The following OLFM3 variants were observed in gnomAD, a reference collection of about 807,000 sequenced individuals.
OLFM3 encodes the protein noelin-3.
In OLFM3, 20 loss-of-function variants were observed where a neutral mutation model predicts 48.6. The observed-to-expected ratio is 0.41, with a 90% CI of 0.29 to 0.60. OLFM3 has a LOEUF of 0.60. Ranked by LOEUF, OLFM3 falls within the 20% of genes least tolerant of loss-of-function variation. The probability of loss-of-function intolerance (pLI) is 0.28; values close to 1 mark genes in which losing one functional copy is unlikely to be tolerated. For missense variants in OLFM3, 437 were observed against 544.3 expected (o/e 0.80, Z 1.96); for synonymous variants, 222 against 198.1 (o/e 1.12, Z -1.01).
intron 1 of OLFM3, among the ~76,000 whole-genome samples, chr1:101,850,711 AG>A (rs1328476851): frequency 6.6e-6 from 1 of 152,176 alleles, no homozygotes; most frequent in Non-Finnish European, 1.5e-5. Flanking sequence ...GTGACCTAAA[AG>A]TTTGACTTTA....
chr1:101,852,097 T>G (rs1274553443), intron 1 of OLFM3, among the ~76,000 whole-genome samples: 1 of 152,048 alleles, frequency 6.6e-6, no homozygotes, highest in Non-Finnish European at 1.5e-5. Context: ...CTTTAGCAGA[T>G]CATTCCCAGC....
intron 1 of OLFM3, among the ~76,000 whole-genome samples, chr1:101,861,000 G>A (rs1321767379): frequency 1.3e-5 from 2 of 152,044 alleles, no homozygotes; most frequent in Non-Finnish European, 2.9e-5. Context: ...CTAACTACAT[G>A]CAGAAGAGTT....
rs772070070 is a variant in OLFM3, at chr1:101,804,853, G to A, written c.762C>T (p.Asp254=). 1 of 1,612,296 alleles carries A rather than the reference G, an allele frequency of 6.2e-7. No individual in the cohort carries two copies. The highest frequency in any genetic ancestry group is 2.2e-5 in the East Asian group (1 of 44,822). ...TCCTTGATTCAGCCCCACTGACAAA[G>A]TCTGCAATTGATTTGTATTCACGAA... ...KIVREYKSIA[D]FVSGAESRTY... The change falls in exon 6 of 6, where the codon GAC becomes GAT. Residue 254 remains aspartate, a synonymous_variant. Transcript: ENST00000370103. This position sits in a 1 kb window ranked among gnomAD's most constrained non-coding sequence, Gnocchi z 4.5.
chr1:101,841,380 A>G (rs1434279427), intron 1 of OLFM3, among the ~76,000 whole-genome samples: 1 of 152,234 alleles, frequency 6.6e-6, no homozygotes, highest in Non-Finnish European at 1.5e-5. Flanking sequence ...AATGCCATAT[A>G]TAGGACTTAT....
intron 4 of OLFM3, among the ~76,000 whole-genome samples, chr1:101,821,527 G>C (rs12038887): frequency 0.17 from 25,641 of 151,958 alleles, 2,694 homozygotes; most frequent in East Asian, 0.44. Flanking sequence ...TTGTAATTAA[G>C]GGTTGTGGTC....
intron 1 of OLFM3, among the ~76,000 whole-genome samples, chr1:101,862,746 C>T (rs1387184091): frequency 1.3e-5 from 2 of 152,194 alleles, no homozygotes; most frequent in Non-Finnish European, 2.9e-5. Flanking sequence ...TTTTCAAAAG[C>T]TCCTGATTTT....
At chr1:101,994,328 T>C (rs1210687936) in intron 1 of OLFM3, among the ~76,000 whole-genome samples, 1 of 151,126 alleles carries the variant, frequency 6.6e-6, no homozygotes, top group African/African-American at 2.4e-5. Context: ...GGTTAGCATT[T>C]CTGTTCATTT....
chr1:101,919,800 C>T (rs1659038085), intron 1 of OLFM3, among the ~76,000 whole-genome samples: 2 of 152,130 alleles, frequency 1.3e-5, no homozygotes, highest in South Asian at 4.1e-4. Context: ...TTTACCTAAA[C>T]TCCCTATTTA....
chr1:101,843,009 A>C (rs1655803938), intron 1 of OLFM3, among the ~76,000 whole-genome samples: 1 of 152,250 alleles, frequency 6.6e-6, no homozygotes. Flanking sequence ...GAAGGAAAAC[A>C]GAATTTGGGG....
At position 101,804,171 on chromosome 1, in the gene OLFM3, G is replaced by A. The variant is rs1160349351; in HGVS notation, c.*67C>T. 8 of 1,206,818 alleles carry A rather than the reference G, an allele frequency of 6.6e-6. No individual in the cohort carries two copies. The highest frequency in any genetic ancestry group is 1.8e-5 in the South Asian group (1 of 57,052). 74.8% of individuals were successfully genotyped at this position (1,206,818 alleles called of 1,614,324 possible). On this transcript the variant is annotated 3_prime_UTR_variant, in exon 6 of 6. Coordinates refer to ENST00000370103, the MANE Select transcript of OLFM3 (RefSeq NM_058170.4). This position sits in a 1 kb window ranked among gnomAD's most constrained non-coding sequence, Gnocchi z 4.5. ...GAAAAATAATAGTGAAGAAAAAAAC[G>A]GAAGGGGTCTTATAGAGTTTATCAC...
chr1:101,837,116 T>TTGA (rs1198249481), intron 1 of OLFM3, 91 bp from the exon 2 acceptor site: 1 of 1,302,256 alleles, frequency 7.7e-7, no homozygotes, highest in Non-Finnish European at 1.1e-6. Context: ...AAACACTTTT[T>TTGA]TGATAATTTA....
chr1:101,920,370 G>A (rs1021784645), intron 1 of OLFM3, among the ~76,000 whole-genome samples: 1 of 152,014 alleles, frequency 6.6e-6, no homozygotes, highest in Non-Finnish European at 1.5e-5. Flanking sequence ...ATCTCCTTCT[G>A]GAATGTTCTT....
In OLFM3 at chr1:101,825,043, T is replaced by A; in HGVS notation, c.575A>T (p.Asp192Val). Residue 192 changes from aspartate (D) to valine (V), a missense_variant, in exon 4 of 6, where the codon GAC becomes GTC. Asp to Val is a radical substitution (Grantham distance 152). Coordinates refer to ENST00000370103, the MANE Select transcript of OLFM3 (RefSeq NM_058170.4). ...RVLSLETRLR[D>V]CMKKLTCGKL... ...ATACTCACTTAGCTTTTTCATGCAG[T>A]CACGAAGTCTTGTTTCCAAGCTCAG... 1 of 1,614,050 alleles carries A rather than the reference T, an allele frequency of 6.2e-7. No homozygotes were observed. The highest frequency in any genetic ancestry group is 8.5e-7 in the Non-Finnish European group (1 of 1,179,920).
At chr1:101,856,577 A>G (rs1329811097) in intron 1 of OLFM3, among the ~76,000 whole-genome samples, 3 of 152,010 alleles carry the variant, frequency 2.0e-5, no homozygotes, top group Non-Finnish European at 2.9e-5. Context: ...TTGAAATCAA[A>G]TAGCTGATTT....
At chr1:101,843,624 T>C (rs1655838993) in intron 1 of OLFM3, among the ~76,000 whole-genome samples, 1 of 152,232 alleles carries the variant, frequency 6.6e-6, no homozygotes, top group African/African-American at 2.4e-5. Context: ...TAAGGAGCTG[T>C]ATTTAACTAC....
chr1:101,917,892 G>T (rs543058473), intron 1 of OLFM3, among the ~76,000 whole-genome samples: 1 of 151,978 alleles, frequency 6.6e-6, no homozygotes, highest in South Asian at 2.1e-4. Flanking sequence ...CATTACAGTG[G>T]TATTCTCCTG....
intron 1 of OLFM3, among the ~76,000 whole-genome samples, chr1:101,935,781 A>G (rs970215176): frequency 2.6e-5 from 4 of 152,178 alleles, no homozygotes; most frequent in Non-Finnish European, 5.9e-5. Flanking sequence ...ATCTACCATG[A>G]TCAGGTAGAC....
chr1:101,950,531 C>T (rs1003628879), intron 1 of OLFM3, among the ~76,000 whole-genome samples: 4 of 151,900 alleles, frequency 2.6e-5, no homozygotes, highest in African/African-American at 9.7e-5. Flanking sequence ...CTCCGCCTCC[C>T]GGGTTCACGC....
intron 1 of OLFM3, among the ~76,000 whole-genome samples, chr1:101,986,324 G>C (rs1372126235): frequency 1.3e-5 from 2 of 151,982 alleles, no homozygotes; most frequent in African/African-American, 4.8e-5. Flanking sequence ...AAAAGTATAA[G>C]AGCATTTGGT....
Sources: gnomAD v4.1 joint callset for allele counts (sites outside exome capture counted in the v4.1 genomes callset) on GRCh38, gnomAD v4.1.1 for gene constraint, Gnocchi (gnomAD v3.1) non-coding constraint, MANE v1.5 for transcripts, NCBI Gene and HGNC (gene_info 2026-07-23, HGNC 2026-07-21) for gene names.